Variants in MYO5A observed in about 807,000 individuals in gnomAD.
MYO5A encodes the protein unconventional myosin-Va.
Under a neutral mutation model 249.7 loss-of-function variants are expected in MYO5A, and 98 were observed. The ratio of observed to expected loss-of-function variants is 0.39; its 90% confidence interval spans 0.33 to 0.46. The LOEUF (loss-of-function observed/expected upper bound fraction) is 0.46. MYO5A is among the 20% of genes least tolerant of loss of function. MYO5A has a pLI of 0.98. For missense variants in MYO5A, 1,696 were observed against 2,308.8 expected (o/e 0.73, Z 5.44); for synonymous variants, 778 against 810.6 (o/e 0.96, Z 0.68).
intron 29 of MYO5A, among the ~76,000 whole-genome samples, chr15:52,347,435 C>T (rs1043940624): frequency 2.0e-5 from 3 of 152,184 alleles, no homozygotes; most frequent in African/African-American, 4.8e-5. Flanking sequence ...TAAAATTCAA[C>T]TCAAAAGCTT....
At chr15:52,444,423 C>G (rs998994967) in intron 1 of MYO5A, among the ~76,000 whole-genome samples, 34 of 152,170 alleles carry the variant, frequency 2.2e-4, no homozygotes, top group African/African-American at 8.2e-4. Flanking sequence ...AAAGTCCTAA[C>G]TTTACTTAAC....
chr15:52,441,640 T>G (rs1567130224), intron 1 of MYO5A, among the ~76,000 whole-genome samples: 1 of 152,210 alleles, frequency 6.6e-6, no homozygotes, highest in Non-Finnish European at 1.5e-5. Flanking sequence ...AAGCTCCTAT[T>G]TATTCCTCAA....
At chr15:52,472,469 T>C (rs912299894) in intron 1 of MYO5A, among the ~76,000 whole-genome samples, 5 of 152,144 alleles carry the variant, frequency 3.3e-5, no homozygotes, top group Non-Finnish European at 7.4e-5. Flanking sequence ...TATGTATACA[T>C]GTGCCATGTT....
chr15:52,476,790 G>A (rs1480522057), intron 1 of MYO5A, among the ~76,000 whole-genome samples: 1 of 152,160 alleles, frequency 6.6e-6, no homozygotes, highest in Non-Finnish European at 1.5e-5. Context: ...TTCCCTTTGT[G>A]GGTAACCGGA....
At chr15:52,384,474 A>T in intron 14 of MYO5A, 152 bp from the exon 15 acceptor site, 1 of 782,334 alleles carries the variant, frequency 1.3e-6, no homozygotes, top group Non-Finnish European at 2.1e-6. Flanking sequence ...AGAGCCAAGA[A>T]TATGAGAGGA....
chr15:52,349,022 T>C (rs1248998059), intron 28 of MYO5A, among the ~76,000 whole-genome samples, 196 bp from the exon 29 acceptor site: 2 of 152,204 alleles, frequency 1.3e-5, no homozygotes, highest in Non-Finnish European at 2.9e-5. Flanking sequence ...GACTAATATA[T>C]ATTTATATGT....
Position 52,416,238 on chromosome 15 carries a change from A to C in MYO5A, c.519T>G (p.Ala173=), listed in dbSNP as rs907668205. ...GESGAGKTVS[A]KYAMRYFATV... is the part of the protein sequence containing the mutation. ...TTGCAAAGTATCGCATGGCATACTT[A>C]GCTGAGACTGTTTTTCCTGCCCCAG... Residue 173 remains alanine, a synonymous_variant, in exon 5 of 42, where the codon GCT becomes GCG. Transcript: ENST00000399233. 2 of 1,613,882 alleles carry C rather than the reference A, an allele frequency of 1.2e-6. No individual in the cohort carries two copies. The highest frequency in any genetic ancestry group is 3.3e-5 in the Admixed American group (2 of 59,986).
intron 1 of MYO5A, among the ~76,000 whole-genome samples, chr15:52,493,586 C>A (rs1031916358): frequency 6.6e-6 from 1 of 151,804 alleles, no homozygotes; most frequent in African/African-American, 2.4e-5. Context: ...CGCTTGAAGC[C>A]GGGAGGCAGA....
At chr15:52,494,300 T>C (rs932287482) in intron 1 of MYO5A, among the ~76,000 whole-genome samples, 21 of 152,164 alleles carry the variant, frequency 1.4e-4, no homozygotes, top group African/African-American at 5.1e-4. Flanking sequence ...ATGAAATTTC[T>C]GGCTGGGGAC....
rs1838419405 is a variant in MYO5A at position 52,364,795 on chromosome 15, C to CA, written c.3161-94dup. Reference sequence around the variant, plus strand: ...TACTGATTTCCAGTTTCTCTGTAGGCAATTTTACTTTTAGTATCACTGTGA... The same window carrying CA: ...TACTGATTTCCAGTTTCTCTGTAGGCAAATTTTACTTTTAGTATCACTGTGA... On this transcript the variant is annotated intron_variant, in intron 23 of 41. Transcript: ENST00000399233. The CA allele has an allele frequency of 2.0e-6, 3 of 1,464,742 alleles. No homozygotes were observed. The Admixed American group carries it at 5.2e-5, about 25-fold the overall frequency. 90.7% of individuals were successfully genotyped at this position (1,464,742 alleles called of 1,614,324 possible).
chr15:52,337,812 T>C lies in MYO5A; in HGVS notation c.4312A>G (p.Ile1438Val), dbSNP rs1454211332. 1.3e-6 allele frequency: 2 copies of C among 1,536,182 alleles called. No individual in the cohort carries two copies. Among genetic ancestry groups the C allele is most frequent in the Admixed American group, 3.9e-5 (2 of 50,698 alleles). Residue 1438 changes from isoleucine (I) to valine (V), a missense_variant and splice_region_variant, in exon 33 of 42, where the codon ATT becomes GTT. Transcript: ENST00000399233. ...AAAAGCACTATGGTTTTACATACAA[T>C]CATCCGTTTGTAAAGGGAAATCCGA... ...SYRISLYKRMIDLMEQLEKQD... is the reference protein window; with the variant it reads ...SYRISLYKRMVDLMEQLEKQD...
At chr15:52,448,152 G>C (rs1489004380) in intron 1 of MYO5A, among the ~76,000 whole-genome samples, 1 of 152,276 alleles carries the variant, frequency 6.6e-6, no homozygotes, top group Non-Finnish European at 1.5e-5. Flanking sequence ...GGGTGGGGCA[G>C]AGCCCTGCAA....
chr15:52,416,901 G>T (rs2043524656), intron 4 of MYO5A, among the ~76,000 whole-genome samples: 1 of 152,132 alleles, frequency 6.6e-6, no homozygotes, highest in African/African-American at 2.4e-5. Context: ...TCTTTCTCAG[G>T]GGGAAATGGA....
intron 1 of MYO5A, among the ~76,000 whole-genome samples, chr15:52,468,235 G>A (rs1408624313): frequency 2.0e-5 from 3 of 152,150 alleles, no homozygotes; most frequent in African/African-American, 7.2e-5. Context: ...TGGGAAGGCA[G>A]AGGCTGCAGT....
intron 1 of MYO5A, among the ~76,000 whole-genome samples, chr15:52,522,837 TA>T: frequency 2.2e-5 from 1 of 45,462 alleles, no homozygotes; most frequent in Non-Finnish European, 6.8e-5. Flanking sequence ...TCTCTTTCAT[TA>T]TTTAAAAAAA....
intron 9 of MYO5A, among the ~76,000 whole-genome samples, chr15:52,401,063 A>T: frequency 7.3e-6 from 1 of 137,316 alleles, no homozygotes; most frequent in Admixed American, 8.2e-5. Context: ...GCAACAGCAG[A>T]TTCTCATAAG....
At chr15:52,348,870 TA>T (rs1380443822) in intron 28 of MYO5A, 44 bp from the exon 29 acceptor site, 1 of 1,597,634 alleles carries the variant, frequency 6.3e-7, no homozygotes, top group Non-Finnish European at 8.5e-7. Context: ...GAGAAAACAA[TA>T]AACCCTTAGT....
intron 2 of MYO5A, among the ~76,000 whole-genome samples, chr15:52,431,449 G>A (rs1190044858): frequency 1.3e-5 from 2 of 151,894 alleles, no homozygotes; most frequent in African/African-American, 2.4e-5. Context: ...ATAGATGGTT[G>A]AGTATACATT....
At chr15:52,475,483 G>T (rs1409258015) in intron 1 of MYO5A, among the ~76,000 whole-genome samples, 2 of 152,132 alleles carry the variant, frequency 1.3e-5, no homozygotes, top group Non-Finnish European at 2.9e-5. Flanking sequence ...TGATGTTAGG[G>T]TGTCAATTTT....
Sources: allele counts gnomAD v4.1 joint callset (sites outside exome capture counted in the v4.1 genomes callset), GRCh38; gene constraint gnomAD v4.1.1; transcripts MANE v1.5; gene names NCBI Gene and HGNC (gene_info 2026-07-23, HGNC 2026-07-21).